Variants in KDM4C observed in about 807,000 individuals in gnomAD.
KDM4C encodes the protein lysine demethylase 4C.
A neutral mutation model predicts 129.3 loss-of-function variants in KDM4C; 81 were observed. That is an observed-to-expected ratio of 0.63 (90% CI 0.52 to 0.75). The LOEUF is 0.75. KDM4C is among the 30% of genes least tolerant of loss of function. KDM4C has a pLI of 0.00. For synonymous variants in KDM4C, 573 were observed against 456.1 expected (o/e 1.26, Z -3.26); for missense variants, 1,457 against 1,304.0 (o/e 1.12, Z -1.81).
chr9:7,058,893 C>G (rs867483815), intron 17 of KDM4C, among the ~76,000 whole-genome samples: 1 of 151,500 alleles, frequency 6.6e-6, no homozygotes, highest in African/African-American at 2.4e-5. Context: ...GCCAAGCAAT[C>G]ATTACTTTGA....
chr9:6,760,464 T>TATATATAA (rs993536867), intron 1 of KDM4C, among the ~76,000 whole-genome samples: 1 of 150,264 alleles, frequency 6.7e-6, no homozygotes, highest in Non-Finnish European at 1.5e-5. Context: ...TATATATATA[T>TATATATAA]AATGTAATTG....
chr9:7,039,599 A>C (rs559789393), intron 15 of KDM4C, among the ~76,000 whole-genome samples: 2 of 152,214 alleles, frequency 1.3e-5, no homozygotes, highest in East Asian at 3.9e-4. Flanking sequence ...CTTACTGTTT[A>C]CTGGAAGCCT....
chr9:6,958,607 C>A (rs1187644779), intron 8 of KDM4C, among the ~76,000 whole-genome samples: 1 of 151,568 alleles, frequency 6.6e-6, no homozygotes, highest in Non-Finnish European at 1.5e-5. Flanking sequence ...AATCGTATCA[C>A]ACTGAGTAAG....
intron 8 of KDM4C, among the ~76,000 whole-genome samples, chr9:6,965,432 A>G (rs1052214158): frequency 1.3e-5 from 2 of 152,150 alleles, no homozygotes; most frequent in Non-Finnish European, 2.9e-5. Context: ...TCTCCAGAAC[A>G]CAAGTTTGTT....
intron 7 of KDM4C, among the ~76,000 whole-genome samples, chr9:6,891,379 G>A (rs1197015775): frequency 1.3e-5 from 2 of 152,152 alleles, no homozygotes; most frequent in Non-Finnish European, 2.9e-5. Context: ...ACTTTGAAAA[G>A]TTTATGCTAA....
At chr9:7,001,486 A>G (rs1187302338) in intron 12 of KDM4C, among the ~76,000 whole-genome samples, 2 of 152,230 alleles carry the variant, frequency 1.3e-5, no homozygotes, top group South Asian at 2.1e-4. Flanking sequence ...TGACAGGACC[A>G]TGTAATGTAT....
chr9:7,157,351 C>G (rs1029536170), intron 19 of KDM4C, among the ~76,000 whole-genome samples: 1 of 152,206 alleles, frequency 6.6e-6, no homozygotes, highest in African/African-American at 2.4e-5. Context: ...TTATTTCTTT[C>G]TCTTGCCTGA....
intron 3 of KDM4C, among the ~76,000 whole-genome samples, chr9:6,811,404 G>A (rs1025835136): frequency 7.9e-5 from 12 of 152,006 alleles, no homozygotes; most frequent in South Asian, 2.1e-4. Flanking sequence ...CGCCCACCTC[G>A]GCTTCCCAAA....
chr9:6,839,085 T>C (rs944996122), intron 4 of KDM4C, among the ~76,000 whole-genome samples: 29 of 152,222 alleles, frequency 1.9e-4, no homozygotes, highest in Non-Finnish European at 1.0e-4. Context: ...TGGCAGTATT[T>C]TACATTAGCC....
At chr9:7,081,798 A>G (rs1225356061) in intron 17 of KDM4C, among the ~76,000 whole-genome samples, 4 of 152,208 alleles carry the variant, frequency 2.6e-5, no homozygotes, top group African/African-American at 9.6e-5. Flanking sequence ...AGATGAGTTC[A>G]GAGGGGCTAA....
intron 19 of KDM4C, among the ~76,000 whole-genome samples, chr9:7,135,568 G>A (rs1020734716): frequency 6.6e-6 from 1 of 151,978 alleles, no homozygotes; most frequent in Admixed American, 6.6e-5. Flanking sequence ...TCCACTCCAT[G>A]TTTGGGAGTA....
chr9:7,024,438 C>A (rs7860217), intron 15 of KDM4C, among the ~76,000 whole-genome samples: 2 of 150,710 alleles, frequency 1.3e-5, no homozygotes, highest in African/African-American at 4.9e-5. Context: ...ACCCATTAAC[C>A]TGTCATTTAG....
chr9:6,948,652 C>G (rs1361657094), intron 8 of KDM4C, among the ~76,000 whole-genome samples: 1 of 151,306 alleles, frequency 6.6e-6, no homozygotes, highest in Non-Finnish European at 1.5e-5. Flanking sequence ...TGTTTGTGTC[C>G]CTGGGTACTT....
Position 7,165,355 on chromosome 9 carries a change from C to A in KDM4C, c.2899C>A (p.Gln967Lys), listed in dbSNP as rs1032731803. 3 of 1,613,722 alleles carry A rather than the reference C, an allele frequency of 1.9e-6. No homozygotes were observed. The highest frequency in any genetic ancestry group is 2.5e-6 in the Non-Finnish European group (3 of 1,179,798). Residue 967 changes from glutamine (Q) to lysine (K), a missense_variant and splice_region_variant, in exon 20 of 22, where the codon CAG (glutamine) becomes AAG (lysine). Transcript: ENST00000381309. ...TGGATCAAATATTGCCCACATGTACCAGGTGGGTTCTTCCTTCTCTGTGAT... is the reference window on the plus strand; with the variant it reads ...TGGATCAAATATTGCCCACATGTACAAGGTGGGTTCTTCCTTCTCTGTGAT... ...YFGSNIAHMY[Q>K]VEFEDGSQIA... is the part of the protein sequence containing the mutation.
At chr9:7,103,231 GT>G (rs1411855485) in intron 17 of KDM4C, among the ~76,000 whole-genome samples, 2 of 152,166 alleles carry the variant, frequency 1.3e-5, no homozygotes, top group African/African-American at 4.8e-5. Flanking sequence ...CTGTTTGGGT[GT>G]TTTTGAAGAC....
chr9:6,843,608 A>G (rs1389316438), intron 4 of KDM4C, among the ~76,000 whole-genome samples: 1 of 152,182 alleles, frequency 6.6e-6, no homozygotes, highest in Non-Finnish European at 1.5e-5. Flanking sequence ...TAGCTCTGCC[A>G]TGAAAGGCGA....
chr9:6,977,048 A>G (rs1397957980), intron 8 of KDM4C, among the ~76,000 whole-genome samples: 1 of 152,180 alleles, frequency 6.6e-6, no homozygotes, highest in African/African-American at 2.4e-5. Flanking sequence ...GGGTTTTGAC[A>G]TGTTTCCCAG....
At chr9:7,006,863 A>T (rs1482638053) in intron 12 of KDM4C, among the ~76,000 whole-genome samples, 2 of 152,162 alleles carry the variant, frequency 1.3e-5, no homozygotes, top group Non-Finnish European at 2.9e-5. Flanking sequence ...TATAAAAAAA[A>T]TTTCAGTCTA....
At chr9:7,156,975 C>G (rs1014276124) in intron 19 of KDM4C, among the ~76,000 whole-genome samples, 22 of 152,180 alleles carry the variant, frequency 1.4e-4, no homozygotes, top group Non-Finnish European at 5.9e-5. Context: ...TTGATTCTTC[C>G]TATCCATGAG....
Sources: allele counts gnomAD v4.1 joint callset (sites outside exome capture counted in the v4.1 genomes callset), GRCh38; gene constraint gnomAD v4.1.1; transcripts MANE v1.5; gene names NCBI Gene and HGNC (gene_info 2026-07-23, HGNC 2026-07-21).